Variants in PRSS12 observed in about 807,000 individuals in gnomAD.
PRSS12 encodes the protein neurotrypsin.
Under a neutral mutation model 104.4 loss-of-function variants are expected in PRSS12, and 85 were observed. The ratio of observed to expected loss-of-function variants is 0.81; its 90% CI spans 0.68 to 0.98. PRSS12 has a LOEUF of 0.98. Ranked by LOEUF, PRSS12 falls within the 50% of genes least tolerant of loss-of-function variation. The pLI, the probability that PRSS12 is intolerant of heterozygous loss-of-function variation, is 0.00. For synonymous variants in PRSS12, 454 were observed against 425.2 expected, an observed-to-expected ratio of 1.07 and a Z score of -0.83; for missense variants, 1,141 against 1,139.2, an observed-to-expected ratio of 1.00 and a Z score of -0.02.
At chr4:118,307,095 T>C (rs1456392123) in intron 8 of PRSS12, among the ~76,000 whole-genome samples, 2 of 152,080 alleles carry the variant, frequency 1.3e-5, no homozygotes, top group Non-Finnish European at 2.9e-5. Context: ...AAAGGAGTGA[T>C]AGAAACACAG....
Position 118,295,799 on chromosome 4 carries a change from A to G in PRSS12, c.1895T>C (p.Ile632Thr). 3 of 1,614,076 alleles carry G rather than the reference A, an allele frequency of 1.9e-6. No individual in the cohort carries two copies. Among genetic ancestry groups the G allele is most frequent in the Non-Finnish European group, 8.5e-7 (1 of 1,179,926 alleles). The change falls in exon 10 of 13, where the codon ATT (isoleucine) becomes ACT (threonine). Residue 632 changes from isoleucine to threonine, a missense_variant. Physicochemically the swap from Ile to Thr is moderately conservative, Grantham distance 89 (BLOSUM62 -1). Coordinates refer to ENST00000296498, the MANE Select transcript of PRSS12 (RefSeq NM_003619.4). The part of the protein sequence containing the change: ...RLLHRRQKRI[I>T]GGKNSLRGGW... ...TTACCTTAAAGAATTTTTCCCACCA[A>G]TGATCCGCTTCTGCCGACGGTGCAG...
At chr4:118,347,603 TG>T (rs1366853489) in intron 1 of PRSS12, among the ~76,000 whole-genome samples, 2 of 152,212 alleles carry the variant, frequency 1.3e-5, no homozygotes, top group Non-Finnish European at 2.9e-5. Context: ...TTGCCCCATC[TG>T]CTATGCCAAC....
intron 9 of PRSS12, 113 bp downstream of exon 9, chr4:118,298,620 G>A: frequency 1.8e-6 from 2 of 1,103,546 alleles, no homozygotes; most frequent in South Asian, 1.3e-5. Flanking sequence ...CACAAGACAT[G>A]GATCTGTATA....
rs367892466 is a variant in PRSS12 at position 118,334,147 on chromosome 4, T to C, written c.820+1326A>G. On this transcript the variant is annotated intron_variant, in intron 3 of 12. Coordinates refer to ENST00000296498, the MANE Select transcript of PRSS12 (RefSeq NM_003619.4). ...AGCTATACAACTCCACATTCTCATT[T>C]AATCTACCACGAGAGAATCTTTTTA... Among the ~76,000 whole-genome samples, 19 of 152,332 alleles carry C rather than the reference T, an allele frequency of 1.2e-4. No homozygotes were observed. The East Asian group carries it at 3.3e-3, about 26-fold the overall frequency.
At chr4:118,286,132 A>T (rs1022260707) in intron 11 of PRSS12, among the ~76,000 whole-genome samples, 8 of 152,154 alleles carry the variant, frequency 5.3e-5, no homozygotes, top group Admixed American at 2.0e-4. Flanking sequence ...TCAAGTTTTA[A>T]ATTTTTCAAC....
chr4:118,298,983 T>C (rs1384344399), intron 8 of PRSS12, 45 bp from the exon 9 acceptor site: 20 of 1,584,212 alleles, frequency 1.3e-5, no homozygotes, highest in Non-Finnish European at 1.6e-5. Flanking sequence ...CAGTCAGTCA[T>C]ATATCTGAAT....
chr4:118,299,770 AAAATAAAATAAAATAAAATAAAAT>A (rs1743355307), intron 8 of PRSS12, among the ~76,000 whole-genome samples: 6 of 45,116 alleles, frequency 1.3e-4, no homozygotes, highest in Admixed American at 3.0e-4. Context: ...AAAATTAAAT[AAAATAAAATAAAATAAAATAAAAT>A]AAATAAAATA....
intron 7 of PRSS12, 36 bp downstream of exon 7, chr4:118,313,165 A>G: frequency 6.2e-7 from 1 of 1,608,614 alleles, no homozygotes; most frequent in Non-Finnish European, 8.5e-7. Flanking sequence ...ATGGCTACTG[A>G]ATGATGGAAA....
intron 6 of PRSS12, among the ~76,000 whole-genome samples, chr4:118,315,719 C>G (rs1185735268): frequency 6.6e-6 from 1 of 152,194 alleles, no homozygotes; most frequent in African/African-American, 2.4e-5. Flanking sequence ...TAAAGGTCAT[C>G]TCCTAACAAG....
chr4:118,302,811 T>A (rs139265744), intron 8 of PRSS12, among the ~76,000 whole-genome samples: 1 of 151,232 alleles, frequency 6.6e-6, no homozygotes. Context: ...TTTACTTGTA[T>A]TGTCTCTCCT....
intron 1 of PRSS12, among the ~76,000 whole-genome samples, chr4:118,350,332 C>A (rs866948438): frequency 6.6e-6 from 1 of 152,186 alleles, no homozygotes; most frequent in African/African-American, 2.4e-5. Context: ...TTTGTTCACA[C>A]CCCTAATTGA....
intron 1 of PRSS12, among the ~76,000 whole-genome samples, chr4:118,344,439 C>A (rs1041833098): frequency 6.6e-6 from 1 of 151,986 alleles, no homozygotes; most frequent in African/African-American, 2.4e-5. Flanking sequence ...ATACTATTTT[C>A]ATCTATAATT....
chr4:118,346,796 G>A (rs1007707734), intron 1 of PRSS12, among the ~76,000 whole-genome samples: 6 of 152,250 alleles, frequency 3.9e-5, no homozygotes, highest in Non-Finnish European at 7.4e-5. Flanking sequence ...ACTCCATTGC[G>A]AACTGTGCAT....
intron 8 of PRSS12, among the ~76,000 whole-genome samples, chr4:118,300,308 T>A (rs889119665): frequency 6.6e-5 from 10 of 152,000 alleles, no homozygotes; most frequent in Non-Finnish European, 4.4e-5. Context: ...TTACCACACC[T>A]GGCCTAAAAG....
chr4:118,339,310 A>C (rs1017782388), intron 1 of PRSS12, among the ~76,000 whole-genome samples: 3 of 152,194 alleles, frequency 2.0e-5, no homozygotes, highest in Admixed American at 6.6e-5. Flanking sequence ...TTAAGAAATT[A>C]ATTTAAAAAA....
chr4:118,282,162 C>A lies in PRSS12; in HGVS notation c.2402G>T (p.Arg801Leu). 1 of 1,614,172 alleles carries A rather than the reference C, an allele frequency of 6.2e-7. No homozygotes were observed. The highest frequency in any genetic ancestry group is 2.2e-5 in the East Asian group (1 of 44,878). Residue 801 changes from arginine (R) to leucine (L), a missense_variant, in exon 13 of 13, where the codon CGG becomes CTG. Transcript: ENST00000296498. ...KRFCEERYKG[R>L]FTGRMLCAGN... ...AGCACAAAGCATTCTCCCTGTAAAC[C>A]GACCCTTATAACGTTCTTCACAAAA...
chr4:118,301,131 C>T (rs1382837315), intron 8 of PRSS12, among the ~76,000 whole-genome samples: 1 of 151,758 alleles, frequency 6.6e-6, no homozygotes, highest in African/African-American at 2.4e-5. Context: ...TTATTTCTGT[C>T]TTACTATTAG....
chr4:118,313,027 C>G (rs1743790575), intron 7 of PRSS12, 174 bp downstream of exon 7: 2 of 722,890 alleles, frequency 2.8e-6, no homozygotes, highest in Middle Eastern at 7.9e-4. Context: ...AATGTTGGCG[C>G]ACAGACTCAA....
chr4:118,323,877 G>C (rs926429784), intron 4 of PRSS12, among the ~76,000 whole-genome samples: 5 of 151,730 alleles, frequency 3.3e-5, no homozygotes, highest in Non-Finnish European at 7.4e-5. Context: ...AAATATGTGT[G>C]TGTGTGTGTA....
Sources: gnomAD v4.1 joint callset for allele counts (sites outside exome capture counted in the v4.1 genomes callset) on GRCh38, gnomAD v4.1.1 for gene constraint, MANE v1.5 for transcripts, NCBI Gene and HGNC (gene_info 2026-07-23, HGNC 2026-07-21) for gene names.